The following TSC2 variants were observed in gnomAD, a reference collection of about 807,000 sequenced individuals.
TSC2 encodes the protein TSC complex subunit 2, also known as tuberin.
A neutral mutation model predicts 202.2 loss-of-function variants in TSC2; 29 were observed. The observed-to-expected ratio is 0.14, with a 90% CI of 0.11 to 0.20. The LOEUF (loss-of-function observed/expected upper bound fraction) is 0.20, where lower values mean the gene tolerates loss of function less well. Among genes scored for constraint, TSC2 ranks in the 10% least tolerant of loss-of-function variants. The pLI is 1.00. For missense variants in TSC2, 2,429 were observed against 2,420.0 expected (o/e 1.00, Z -0.08); for synonymous variants, 1,349 against 1,044.0 (o/e 1.29, Z -5.63).
chr16:2,088,768 C>G lies in TSC2; in HGVS notation c.*158C>G. On this transcript the variant is annotated 3_prime_UTR_variant, in exon 42 of 42. Transcript: ENST00000219476. ...CTTGGTGCGGGGGTTGGGGGGGTGT[C>G]GAGGCTCTAGAAGCGGCCATGCCCA... The G allele has an allele frequency of 4.7e-6, 5 of 1,069,416 alleles. 1 individual carries two copies. The South Asian group carries it at 4.8e-5, about 10-fold the overall frequency. The allele number at this position is 1,069,416 out of a possible 1,614,324, so 66.2% of individuals were successfully genotyped here. A position where few individuals can be genotyped will look rare whatever the true frequency, so the allele number is the denominator to read the frequency against.
intron 29 of TSC2, 32 bp from the exon 30 acceptor site, chr16:2,080,133 G>T: frequency 2.5e-6 from 4 of 1,612,144 alleles, no homozygotes; most frequent in Non-Finnish European, 1.7e-6. Flanking sequence ...TCAGGTAAGT[G>T]GTGGTCACCA....
chr16:2,063,017 G>C lies in TSC2; in HGVS notation c.1407G>C (p.Leu469=), dbSNP rs1458720483. The C allele has an allele frequency of 6.4e-7, 1 of 1,551,528 alleles. No individual in the cohort carries two copies. Among genetic ancestry groups the C allele is most frequent in the Non-Finnish European group, 8.7e-7 (1 of 1,146,930 alleles). Residue 469 remains leucine (L), a synonymous_variant, in exon 14 of 42, where the codon CTG becomes CTC. Transcript: ENST00000219476. ...TGCGCATCAAGGTGCTGGACGTGCTGTCCTTTGTGCTGCTCATCAACAGGC... is the reference window on the plus strand; with the variant it reads ...TGCGCATCAAGGTGCTGGACGTGCTCTCCTTTGTGCTGCTCATCAACAGGC... ...GAVRIKVLDV[L]SFVLLINRQF...
At position 2,060,780 on chromosome 16, in the gene TSC2, G is replaced by A. The variant is rs1416323572; in HGVS notation, c.1086G>A (p.Leu362=). Residue 362 remains leucine (L), a synonymous_variant, in exon 11 of 42, where the codon CTG becomes CTA. Transcript: ENST00000219476. The part of the protein sequence containing the change: ...ELQVVAWDIL[L]NIIERLLQQL... ...AGGTGGTGGCGTGGGACATTCTGCT[G>A]AACATCATCGAACGGCTCCTTCAGC... 1 of 1,613,766 alleles carries A rather than the reference G, an allele frequency of 6.2e-7. No homozygotes were observed. The highest frequency in any genetic ancestry group is 1.3e-5 in the African/African-American group (1 of 74,904).
At position 2,077,604 on chromosome 16, in the gene TSC2, G is replaced by A. The variant is rs1060504114; in HGVS notation, c.2844G>A (p.Arg948=). The part of the protein sequence containing the change: ...TSLNERPKSL[R]IARPPKQGLN... The stretch of plus-strand genomic sequence containing the variant: ...CTCCTTCCTCACCCGATAGTCTGAG[G>A]ATAGCCAGACCCCCCAAACAAGGCT... Residue 948 remains arginine, a synonymous_variant, in exon 26 of 42, where the codon AGG becomes AGA. Transcript: ENST00000219476. The A allele has an allele frequency of 3.1e-6, 5 of 1,612,934 alleles. No homozygotes were observed. Among genetic ancestry groups the A allele is most frequent in the Non-Finnish European group, 4.2e-6 (5 of 1,180,000 alleles).
chr16:2,076,773 G>A (rs1412322314), intron 25 of TSC2, 188 bp downstream of exon 25: 2 of 640,196 alleles, frequency 3.1e-6, no homozygotes, highest in East Asian at 5.6e-5. Context: ...TGGCCGTGGT[G>A]GCCTGGGTCC....
At chr16:2,054,894 A>G (rs2085573105) in intron 5 of TSC2, 1 of 330,478 alleles carries the variant, frequency 3.0e-6, no homozygotes, top group South Asian at 2.7e-5. Flanking sequence ...AAGAGGAGGA[A>G]GAGATCGGTC....
At chr16:2,059,997 G>A (rs955148929) in intron 10 of TSC2, among the ~76,000 whole-genome samples, 5 of 152,126 alleles carry the variant, frequency 3.3e-5, no homozygotes, top group Non-Finnish European at 5.9e-5. Context: ...TACATCTTGC[G>A]AGTTTCACCT....
chr16:2,081,598 A>G lies in TSC2; in HGVS notation c.3614A>G (p.Asn1205Ser). ...AAAGGTGCTGCCGCCTCCGCAGGGA[A>G]CACCAGCTGGCTGATGAGCCTGGAG... is the stretch of plus-strand genomic sequence containing the variant. ...AEILVRRPTG[N>S]TSWLMSLENP... Residue 1205 changes from asparagine to serine, a missense_variant, in exon 31 of 42, where the codon AAC becomes AGC. Asn to Ser is a conservative substitution (Grantham distance 46, BLOSUM62 1). Transcript: ENST00000219476. 6.2e-7 allele frequency: 1 copy of G among 1,612,816 alleles called. No homozygotes were observed. The highest frequency in any genetic ancestry group is 8.5e-7 in the Non-Finnish European group (1 of 1,179,956).
In TSC2 at chr16:2,061,956, G is replaced by A. The variant is rs777172185; in HGVS notation, c.1205G>A (p.Gly402Glu). ...CTGTGTGACCAGAACGAGTTCCACGGGTCTCAGGAGAGATACTTTGAACTG... is the reference window on the plus strand; with the variant it reads ...CTGTGTGACCAGAACGAGTTCCACGAGTCTCAGGAGAGATACTTTGAACTG... ...EELCDQNEFH[G>E]SQERYFELVE... The change falls in exon 12 of 42, where the codon GGG (glycine) becomes GAG (glutamate). Residue 402 changes from glycine (G) to glutamate (E), a missense_variant. By Grantham distance (98) the Gly-to-Glu change is moderately conservative. Coordinates refer to ENST00000219476, the MANE Select transcript of TSC2 (RefSeq NM_000548.5). 4.3e-6 allele frequency: 7 copies of A among 1,614,204 alleles called. No individual in the cohort carries two copies. The highest frequency in any genetic ancestry group is 1.3e-5 in the African/African-American group (1 of 75,046).
intron 22 of TSC2, 24 bp downstream of exon 22, chr16:2,074,413 A>G (rs754119272): frequency 1.2e-6 from 2 of 1,606,418 alleles, no homozygotes; most frequent in South Asian, 1.1e-5. Flanking sequence ...CTGCCTGCGC[A>G]TGCACCCGAG....
intron 26 of TSC2, 102 bp downstream of exon 26, chr16:2,077,828 C>A: frequency 6.4e-7 from 1 of 1,573,818 alleles, no homozygotes; most frequent in South Asian, 1.1e-5. Flanking sequence ...ATCGTCTGCC[C>A]GTGTCCTCCC....
chr16:2,080,105 G>A, intron 29 of TSC2, 60 bp from the exon 30 acceptor site: 2 of 1,605,008 alleles, frequency 1.2e-6, no homozygotes, highest in Non-Finnish European at 1.7e-6. Context: ...CATTCAGCTT[G>A]AGGCTGGTGG....
In TSC2 at chr16:2,084,275, G is replaced by A; in HGVS notation, c.4053G>A (p.Glu1351=). ...AGGAGAAGTCGCTCCACGCGGAGGA[G>A]CTGGTTGGCAGGGGCATCCCCATCG... ...SQEEKSLHAE[E]LVGRGIPIER... is the part of the protein sequence containing the mutation. Residue 1351 remains glutamate (E), a synonymous_variant, in exon 34 of 42, where the codon GAG becomes GAA. Coordinates refer to ENST00000219476, the MANE Select transcript of TSC2 (RefSeq NM_000548.5). 6.2e-7 allele frequency: 1 copy of A among 1,611,012 alleles called. No individual in the cohort carries two copies. The highest frequency in any genetic ancestry group is 2.2e-5 in the East Asian group (1 of 44,830).
At position 2,062,481 on chromosome 16, in the gene TSC2, G is replaced by T. The variant is rs979174870; in HGVS notation, c.1258-16G>T. On this transcript the variant is annotated splice_polypyrimidine_tract_variant and intron_variant, in intron 12 of 41. Transcript: ENST00000219476. ...CCGGAGGGGCAGAGGGGCAACACCG[G>T]CTCTTCTTTTGACAGGAGTCCTCCC... is the stretch of plus-strand genomic sequence containing the variant. 30 of 1,601,202 alleles carry T rather than the reference G, an allele frequency of 1.9e-5. No individual in the cohort carries two copies. Among genetic ancestry groups the T allele is most frequent in the Admixed American group, 3.4e-5 (2 of 58,874 alleles).
intron 15 of TSC2, 161 bp downstream of exon 15, chr16:2,064,588 G>A (rs2087060823): frequency 1.9e-6 from 2 of 1,025,766 alleles, no homozygotes; most frequent in Non-Finnish European, 2.9e-6. Context: ...CCTGTGCAGG[G>A]CCTGCCACTG....
At chr16:2,064,979 T>A (rs2151198522) in intron 15 of TSC2, 1 of 196,832 alleles carries the variant, frequency 5.1e-6, no homozygotes, top group East Asian at 1.3e-4. Context: ...CTGCACGTGG[T>A]GGCGGGCACC....
At position 2,076,042 on chromosome 16, in the gene TSC2, G is replaced by T. The variant is rs45483797; in HGVS notation, c.2640-26G>T. On this transcript the variant is annotated intron_variant, in intron 23 of 41. Coordinates refer to ENST00000219476, the MANE Select transcript of TSC2 (RefSeq NM_000548.5). The stretch of plus-strand genomic sequence containing the variant: ...GGGATGTTTCCCTGCTGCCAGGATG[G>T]AGTGCCAGCCCCCTTCTCATCTCAG... The T allele has an allele frequency of 6.4e-4, 1,025 of 1,613,832 alleles. 4 individuals are homozygous for T. The African/African-American group carries it at 0.012, about 19-fold the overall frequency.
At chr16:2,080,474 A>T in intron 30 of TSC2, 97 bp downstream of exon 30, 1 of 1,414,770 alleles carries the variant, frequency 7.1e-7, no homozygotes. Context: ...CTCTTGGGAT[A>T]TTTGGGGGTA....
chr16:2,053,735 G>A (rs1323168536), intron 4 of TSC2: 13 of 593,830 alleles, frequency 2.2e-5, no homozygotes, highest in Non-Finnish European at 2.9e-5. Flanking sequence ...TGCTGAGATC[G>A]TACCTGGCAG....
Sources: allele counts gnomAD v4.1 joint callset (sites outside exome capture counted in the v4.1 genomes callset), GRCh38; gene constraint gnomAD v4.1.1; transcripts MANE v1.5; gene names NCBI Gene and HGNC (gene_info 2026-07-23, HGNC 2026-07-21).